Variants in TET1 observed in about 807,000 individuals in gnomAD.
The protein encoded by TET1 is tet methylcytosine dioxygenase 1, also known as methylcytosine dioxygenase TET1.
Under a neutral mutation model 148.7 loss-of-function variants are expected in TET1, and 13 were observed. That is an observed-to-expected ratio of 0.09 (90% CI 0.06 to 0.14). The LOEUF (loss-of-function observed/expected upper bound fraction) is 0.14, where lower values mean the gene tolerates loss of function less well. Among genes scored for constraint, TET1 ranks in the 10% least tolerant of loss-of-function variants. The probability of loss-of-function intolerance (pLI) is 1.00; values close to 1 mark genes in which losing one functional copy is unlikely to be tolerated. For synonymous variants in TET1, 907 were observed against 937.2 expected (o/e 0.97, Z 0.59); for missense variants, 2,182 against 2,553.8 (o/e 0.85, Z 3.14).
chr10:68,661,249 C>A (rs1480800746), intron 6 of TET1, among the ~76,000 whole-genome samples: 1 of 134,406 alleles, frequency 7.4e-6, no homozygotes, highest in Non-Finnish European at 1.6e-5. Context: ...GGGGTTTCAC[C>A]ATGTTAGCCA....
rs536978881 is a variant in TET1 at position 68,609,066 on chromosome 10, C to A, written c.1968+8032C>A. ...TCACCTAGGCTGGAGTGCAGTGGCT[C>A]TGCTCACTGCAGCCAAAACCTACTG... On this transcript the variant is annotated intron_variant, in intron 3 of 11. Coordinates refer to ENST00000373644, the MANE Select transcript of TET1 (RefSeq NM_030625.3). Among the ~76,000 whole-genome samples the A allele has an allele frequency of 2.6e-5, 4 of 152,008 alleles. No individual in the cohort carries two copies. In the South Asian group the frequency reaches 8.3e-4, roughly 32 times the overall value.
At chr10:68,569,396 G>T (rs926929767) in intron 1 of TET1, among the ~76,000 whole-genome samples, 1 of 151,630 alleles carries the variant, frequency 6.6e-6, no homozygotes, top group Admixed American at 6.6e-5. Context: ...GGATGGTCTC[G>T]ATCTCCTGAC....
At chr10:68,661,196 A>ATTTTTTTTT (rs974912892) in intron 6 of TET1, among the ~76,000 whole-genome samples, 515 of 78,462 alleles carry the variant, frequency 6.6e-3, no homozygotes, top group Middle Eastern at 9.8e-3. Context: ...CGCCTGGCTA[A>ATTTTTTTTT]TTTTTTTTTT....
At chr10:68,632,319 T>C in intron 3 of TET1, 3 of 1,466,804 alleles carry the variant, frequency 2.0e-6, no homozygotes, top group Non-Finnish European at 2.8e-6. Flanking sequence ...CAGATTCCCT[T>C]TCAAAAAAAA....
In TET1 at chr10:68,591,075, G is replaced by A. The variant is rs1337270129; in HGVS notation, c.1915-9906G>A. Among the ~76,000 whole-genome samples the A allele has an allele frequency of 4.6e-5, 7 of 151,856 alleles. No individual in the cohort carries two copies. In the South Asian group the frequency reaches 1.0e-3, roughly 23 times the overall value. ...TCTTCATGTTGGTCAGGCTGGTCTCGAACTCCCGACCTCAGGTGATCCACC... is the reference window on the plus strand; with the variant it reads ...TCTTCATGTTGGTCAGGCTGGTCTCAAACTCCCGACCTCAGGTGATCCACC... On this transcript the variant is annotated intron_variant, in intron 2 of 11. Coordinates refer to ENST00000373644, the MANE Select transcript of TET1 (RefSeq NM_030625.3).
intron 3 of TET1, among the ~76,000 whole-genome samples, chr10:68,626,440 A>T (rs948653857): frequency 6.6e-6 from 1 of 151,936 alleles, no homozygotes; most frequent in African/African-American, 2.4e-5. Context: ...GCCTCAAGGG[A>T]TCCTCCTGCC....
chr10:68,612,386 G>A (rs1274733198), intron 3 of TET1, among the ~76,000 whole-genome samples: 10 of 151,856 alleles, frequency 6.6e-5, no homozygotes, highest in South Asian at 2.1e-4. Flanking sequence ...CACCGGGCCC[G>A]GCCAGTCATT....
chr10:68,688,294 C>G (rs922924480), intron 11 of TET1, among the ~76,000 whole-genome samples: 2 of 151,084 alleles, frequency 1.3e-5, no homozygotes, highest in African/African-American at 2.4e-5. Context: ...GACGGAGTTT[C>G]ACCATGTTGG....
rs2053695730 is a variant in TET1 at position 68,573,638 on chromosome 10, C to G, written c.1300C>G (p.Pro434Ala). The change falls in exon 2 of 12, where the codon CCT becomes GCT. Residue 434 changes from proline to alanine, a missense_variant. Physicochemically the swap from Pro to Ala is conservative, Grantham distance 27. This residue lies in a region of TET1 where 665 missense variants were observed against 672.4 expected (regional missense o/e 0.99). Coordinates refer to ENST00000373644, the MANE Select transcript of TET1 (RefSeq NM_030625.3). Reference protein sequence around the residue: ...SVVPDLPVFLPVPPNPIATFN... With the variant: ...SVVPDLPVFLAVPPNPIATFN... ...TGTCCCAGACTTGCCTGTCTTCCTT[C>G]CTGTTCCTCCAAATCCAATTGCTAC... is the stretch of plus-strand genomic sequence containing the variant. 3 of 1,614,186 alleles carry G rather than the reference C, an allele frequency of 1.9e-6. No homozygotes were observed. The East Asian group carries it at 6.7e-5, about 36-fold the overall frequency.
intron 2 of TET1, among the ~76,000 whole-genome samples, chr10:68,588,075 C>T (rs950813537): frequency 5.3e-5 from 8 of 152,014 alleles, no homozygotes; most frequent in East Asian, 1.9e-4. Flanking sequence ...GTTGGTCAGG[C>T]GGGTCTTGAA....
At chr10:68,565,217 C>G (rs2053593010) in intron 1 of TET1, among the ~76,000 whole-genome samples, 1 of 151,922 alleles carries the variant, frequency 6.6e-6, no homozygotes. Flanking sequence ...TGGCCCACAC[C>G]TGTAGTCCTA....
intron 3 of TET1, among the ~76,000 whole-genome samples, chr10:68,638,537 A>G (rs1365280003): frequency 6.6e-6 from 1 of 152,168 alleles, no homozygotes; most frequent in Non-Finnish European, 1.5e-5. Context: ...GAGGGTTATT[A>G]GGGAAAAAAA....
intron 3 of TET1, among the ~76,000 whole-genome samples, chr10:68,624,517 G>A (rs542443919): frequency 6.6e-6 from 1 of 151,954 alleles, no homozygotes; most frequent in Non-Finnish European, 1.5e-5. Context: ...TGGAACTCCC[G>A]ACCTCAGGTG....
At chr10:68,653,116 C>A (rs1310389469) in intron 6 of TET1, among the ~76,000 whole-genome samples, 1 of 151,516 alleles carries the variant, frequency 6.6e-6, no homozygotes, top group African/African-American at 2.4e-5. Context: ...AAAATCTTTA[C>A]CACTTGTAGG....
intron 8 of TET1, among the ~76,000 whole-genome samples, chr10:68,679,470 A>G (rs2055407122): frequency 1.3e-5 from 2 of 152,236 alleles, no homozygotes; most frequent in South Asian, 4.1e-4. Flanking sequence ...TATCAATAGC[A>G]GTACACAAGT....
chr10:68,690,017 T>A (rs894538906), intron 11 of TET1, among the ~76,000 whole-genome samples: 2 of 152,206 alleles, frequency 1.3e-5, no homozygotes, highest in African/African-American at 4.8e-5. Context: ...CCTTGGACTT[T>A]GCCAGTTAAG....
At chr10:68,569,903 AG>A (rs2053648226) in intron 1 of TET1, among the ~76,000 whole-genome samples, 1 of 152,170 alleles carries the variant, frequency 6.6e-6, no homozygotes, top group Non-Finnish European at 1.5e-5. Flanking sequence ...CATTTGTTGT[AG>A]CAATTAAAGA....
rs181301552 is a variant in TET1, at chr10:68,628,214, T to C, written c.1969-16484T>C. ...CGCCCGCCTTGGCCTCCCAAAGTGT[T>C]GGGGTTACAGGCATGAGCCACTGCC... On this transcript the variant is annotated intron_variant, in intron 3 of 11. Transcript: ENST00000373644. 1.9e-3 allele frequency among the ~76,000 whole-genome samples: 295 copies of C among 152,312 alleles called. 1 individual carries two copies. Among genetic ancestry groups the C allele is most frequent in the Middle Eastern group, 6.8e-3 (2 of 294 alleles).
intron 3 of TET1, among the ~76,000 whole-genome samples, chr10:68,618,755 G>A (rs1000202478): frequency 3.3e-5 from 5 of 152,164 alleles, no homozygotes; most frequent in African/African-American, 9.6e-5. Flanking sequence ...ATGTCAAAGT[G>A]TAGTCAAAAT....
Sources: gnomAD v4.1 joint callset for allele counts (sites outside exome capture counted in the v4.1 genomes callset) on GRCh38, gnomAD v4.1.1 for gene constraint, gnomAD v4.1.1 regional missense constraint, MANE v1.5 for transcripts, NCBI Gene and HGNC (gene_info 2026-07-23, HGNC 2026-07-21) for gene names.